CYP4F22: variants seen among roughly 807,000 people sequenced by gnomAD.
CYP4F22 encodes the protein cytochrome P450 family 4 subfamily F member 22, also known as ultra-long-chain fatty acid omega-hydroxylase.
CYP4F22 carries 37 observed loss-of-function variants against 60.4 expected under a neutral mutation model. The ratio of observed to expected loss-of-function variants is 0.61; its 90% confidence interval spans 0.47 to 0.81. The LOEUF (loss-of-function observed/expected upper bound fraction) is 0.81. Among genes scored for constraint, CYP4F22 ranks in the 30% least tolerant of loss-of-function variants. The pLI is 0.00. For missense variants in CYP4F22, 655 were observed against 715.0 expected, an observed-to-expected ratio of 0.92 and a Z score of 0.96; for synonymous variants, 258 against 280.5, an observed-to-expected ratio of 0.92 and a Z score of 0.80.
chr19:15,520,186 T>C (rs1279775703), intron 1 of CYP4F22, among the ~76,000 whole-genome samples: 1 of 151,024 alleles, frequency 6.6e-6, no homozygotes, highest in Non-Finnish European at 1.5e-5. Flanking sequence ...CTACTAAAAA[T>C]ACAAAAAAAA....
chr19:15,531,389 A>AAG (rs984573750), intron 4 of CYP4F22, among the ~76,000 whole-genome samples: 9 of 151,180 alleles, frequency 6.0e-5, no homozygotes, highest in African/African-American at 2.2e-4. Flanking sequence ...TCTCTTAAAA[A>AAG]AAAAAAAAAA....
At position 15,549,194 on chromosome 19, in the gene CYP4F22, G is replaced by A. The variant is rs1255107265; in HGVS notation, c.1327G>A (p.Asp443Asn). Residue 443 changes from aspartate to asparagine, a missense_variant, in exon 12 of 14, where the codon GAC (aspartate) becomes AAC (asparagine). Asp to Asn is a conservative substitution (Grantham distance 23). This residue lies in a region of CYP4F22 where 151 missense variants were observed against 139.4 expected (regional missense o/e 1.08). Coordinates refer to ENST00000269703, the MANE Select transcript of CYP4F22 (RefSeq NM_173483.4). The stretch of plus-strand genomic sequence containing the variant: ...CCACCACAACCCCACAGTGTGGCCT[G>A]ACTCCAAGGTGAGTGCCTGCCCCAC... Reference protein sequence around the residue: ...GTHHNPTVWPDSKVYNPYRFD... With the variant: ...GTHHNPTVWPNSKVYNPYRFD... The A allele has an allele frequency of 1.9e-6, 3 of 1,613,864 alleles. No homozygotes were observed. The highest frequency in any genetic ancestry group is 2.5e-6 in the Non-Finnish European group (3 of 1,179,994).
chr19:15,524,399 C>T (rs1332432971), intron 2 of CYP4F22, among the ~76,000 whole-genome samples: 5 of 152,256 alleles, frequency 3.3e-5, no homozygotes. Context: ...CGTGTAATCC[C>T]AGCACTTTGG....
At chr19:15,521,231 C>CT (rs58365952) in intron 1 of CYP4F22, among the ~76,000 whole-genome samples, 6,863 of 110,182 alleles carry the variant, frequency 0.062, 420 homozygotes, top group African/African-American at 0.14. Flanking sequence ...TTACTTCCAC[C>CT]TTTTTTTTTT....
intron 1 of CYP4F22, chr19:15,516,818 C>A: frequency 2.2e-6 from 1 of 446,494 alleles, no homozygotes. Context: ...GGGTACGTGG[C>A]CTGAAGAGAT....
At chr19:15,526,149 A>G (rs1184553251) in intron 3 of CYP4F22, among the ~76,000 whole-genome samples, 2 of 152,014 alleles carry the variant, frequency 1.3e-5, no homozygotes, top group African/African-American at 4.8e-5. Context: ...TGGGTGACCT[A>G]GGGAGACCCT....
rs1305648260 is a variant in CYP4F22 at position 15,537,531 on chromosome 19, C to T, written c.422-4C>T. On this transcript the variant is annotated splice_region_variant and splice_polypyrimidine_tract_variant and intron_variant, in intron 5 of 13. Coordinates refer to ENST00000269703, the MANE Select transcript of CYP4F22 (RefSeq NM_173483.4). ...GGTCCCTAACCTCAGTCTTCTGGGC[C>T]CAGGGGATGGGCTGCTGCTCAGCAA... is the stretch of plus-strand genomic sequence containing the variant. 6 of 1,613,954 alleles carry T rather than the reference C, an allele frequency of 3.7e-6. No homozygotes were observed. Among genetic ancestry groups the T allele is most frequent in the Non-Finnish European group, 4.2e-6 (5 of 1,180,036 alleles).
chr19:15,514,410 G>A (rs1971130160), intron 1 of CYP4F22, among the ~76,000 whole-genome samples: 1 of 152,120 alleles, frequency 6.6e-6, no homozygotes, highest in Admixed American at 6.6e-5. Flanking sequence ...TAGTGTCGTC[G>A]GGCACGGTGG....
At chr19:15,513,865 CAT>C (rs548245504) in intron 1 of CYP4F22, among the ~76,000 whole-genome samples, 9 of 152,176 alleles carry the variant, frequency 5.9e-5, no homozygotes, top group Non-Finnish European at 1.2e-4. Flanking sequence ...TATAAAGAAA[CAT>C]AGGTCATACT....
At chr19:15,531,236 T>C (rs1046647585) in intron 4 of CYP4F22, among the ~76,000 whole-genome samples, 1 of 151,870 alleles carries the variant, frequency 6.6e-6, no homozygotes, top group Non-Finnish European at 1.5e-5. Context: ...AAATATTAGC[T>C]GGGTGTTGTG....
rs1971555383 is a variant in CYP4F22 at position 15,548,208 on chromosome 19, A to G, written c.1237A>G (p.Ile413Val). 2 of 1,614,170 alleles carry G rather than the reference A, an allele frequency of 1.2e-6. No homozygotes were observed. Among genetic ancestry groups the G allele is most frequent in the Admixed American group, 3.3e-5 (2 of 60,018 alleles). ...TGTCTCTCGCCAATGCACGGAGGACATCAAGCTCCCAGATGGGCGCATCAT... is the reference window on the plus strand; with the variant it reads ...TGTCTCTCGCCAATGCACGGAGGACGTCAAGCTCCCAGATGGGCGCATCAT... ...TLVSRQCTED[I>V]KLPDGRIIPK... is the part of the protein sequence containing the mutation. The change falls in exon 11 of 14, where the codon ATC becomes GTC. Residue 413 changes from isoleucine to valine, a missense_variant. Coordinates refer to ENST00000269703, the MANE Select transcript of CYP4F22 (RefSeq NM_173483.4).
chr19:15,532,347 T>C (rs751376660), intron 4 of CYP4F22, among the ~76,000 whole-genome samples: 43 of 144,648 alleles, frequency 3.0e-4, no homozygotes, highest in Middle Eastern at 3.4e-3. Flanking sequence ...CTCCTCCCCA[T>C]CCCCCTCCTC....
At chr19:15,533,979 G>A (rs1407998847) in intron 4 of CYP4F22, among the ~76,000 whole-genome samples, 1 of 152,056 alleles carries the variant, frequency 6.6e-6, no homozygotes, top group African/African-American at 2.4e-5. Context: ...GAGTAGAATT[G>A]CCAAGTCATA....
At chr19:15,537,775 A>G (rs2144528770) in intron 6 of CYP4F22, 97 bp from the exon 7 acceptor site, 1 of 1,608,986 alleles carries the variant, frequency 6.2e-7, no homozygotes, top group Non-Finnish European at 8.5e-7. Flanking sequence ...GACTTTATCT[A>G]TAAAATGAGC....
intron 12 of CYP4F22, 26 bp downstream of exon 12, chr19:15,549,228 G>T: frequency 1.9e-6 from 3 of 1,613,444 alleles, no homozygotes; most frequent in Non-Finnish European, 2.5e-6. Context: ...ACTCCTCCCT[G>T]CCCTCAGGTC....
chr19:15,530,937 A>G lies in CYP4F22; in HGVS notation c.367+1084A>G, dbSNP rs375149374. On this transcript the variant is annotated intron_variant, in intron 4 of 13. Transcript: ENST00000269703. Reference sequence around the variant, plus strand: ...GGGACATCTGAGAGAACTCACTCTCAAATGAACCAATGAGCTCCAGTAGGT... The same window carrying G: ...GGGACATCTGAGAGAACTCACTCTCGAATGAACCAATGAGCTCCAGTAGGT... 4.6e-5 allele frequency among the ~76,000 whole-genome samples: 7 copies of G among 152,272 alleles called. No individual in the cohort carries two copies. The East Asian group carries it at 9.6e-4, about 21-fold the overall frequency.
At chr19:15,528,970 G>T (rs982567013) in intron 3 of CYP4F22, among the ~76,000 whole-genome samples, 1 of 151,924 alleles carries the variant, frequency 6.6e-6, no homozygotes, top group African/African-American at 2.4e-5. Context: ...AAGAGACAGG[G>T]TCTTGCTCTG....
At chr19:15,524,750 C>G (rs1161850487) in intron 2 of CYP4F22, among the ~76,000 whole-genome samples, 1 of 151,998 alleles carries the variant, frequency 6.6e-6, no homozygotes, top group African/African-American at 2.4e-5. Flanking sequence ...GTGGTAGTTG[C>G]ATTATATGTA....
At chr19:15,535,434 G>T (rs1273526) in intron 4 of CYP4F22, among the ~76,000 whole-genome samples, 133,044 of 152,240 alleles carry the variant, frequency 0.87, 58,354 homozygotes, top group African/African-American at 0.95. Flanking sequence ...GGATTGTGTC[G>T]GTGTAGGTGG....
Sources: gnomAD v4.1 joint callset for allele counts (sites outside exome capture counted in the v4.1 genomes callset) on GRCh38, gnomAD v4.1.1 for gene constraint, gnomAD v4.1.1 regional missense constraint, MANE v1.5 for transcripts, NCBI Gene and HGNC (gene_info 2026-07-23, HGNC 2026-07-21) for gene names.